Variants in ARHGAP15 observed in about 807,000 individuals in gnomAD.
ARHGAP15 encodes rho GTPase-activating protein 15.
A neutral mutation model predicts 63.7 loss-of-function variants in ARHGAP15; 51 were observed. The ratio of observed to expected loss-of-function variants is 0.80; its 90% CI spans 0.64 to 1.01. The LOEUF (loss-of-function observed/expected upper bound fraction) is 1.01, where lower values mean the gene tolerates loss of function less well. ARHGAP15 is among the 50% of genes least tolerant of loss of function. The pLI is 0.00. For missense variants in ARHGAP15, 560 were observed against 564.6 expected, an observed-to-expected ratio of 0.99 and a Z score of 0.08; for synonymous variants, 191 against 193.8, an observed-to-expected ratio of 0.99 and a Z score of 0.12.
At chr2:143,439,872 A>G (rs1319424985) in intron 8 of ARHGAP15, among the ~76,000 whole-genome samples, 1 of 152,194 alleles carries the variant, frequency 6.6e-6, no homozygotes, top group East Asian at 1.9e-4. Context: ...CATAGAAATC[A>G]GTAAACTTGA....
At chr2:143,506,461 A>ATTG (rs1693327270) in intron 9 of ARHGAP15, among the ~76,000 whole-genome samples, 1 of 84,480 alleles carries the variant, frequency 1.2e-5, no homozygotes, top group South Asian at 4.2e-4. Flanking sequence ...CTTCAGATTA[A>ATTG]TAGTAAGTTA....
At chr2:143,202,722 A>T (rs144180139) in intron 3 of ARHGAP15, among the ~76,000 whole-genome samples, 282 of 151,758 alleles carry the variant, frequency 1.9e-3, no homozygotes, top group East Asian at 0.017. Context: ...TGTGAATAAT[A>T]GGAACCAGAG....
chr2:143,365,801 C>A (rs1310593771), intron 6 of ARHGAP15, among the ~76,000 whole-genome samples: 3 of 152,100 alleles, frequency 2.0e-5, no homozygotes, highest in African/African-American at 7.2e-5. Flanking sequence ...GAAGTTACAA[C>A]CACAACTATT....
At chr2:143,417,393 AT>A (rs1688736551) in intron 6 of ARHGAP15, among the ~76,000 whole-genome samples, 1 of 152,164 alleles carries the variant, frequency 6.6e-6, no homozygotes, top group African/African-American at 2.4e-5. Context: ...ATTTCACAAA[AT>A]GCACTAGGAG....
At chr2:143,196,057 A>T (rs1357839656) in intron 2 of ARHGAP15, among the ~76,000 whole-genome samples, 1 of 152,184 alleles carries the variant, frequency 6.6e-6, no homozygotes, top group Non-Finnish European at 1.5e-5. Flanking sequence ...GGAGAAAAAG[A>T]TATCTGAAAA....
chr2:143,605,863 A>AAAAAAAAAAAT (rs1697981366), intron 11 of ARHGAP15, among the ~76,000 whole-genome samples: 1 of 38,530 alleles, frequency 2.6e-5, no homozygotes, highest in Non-Finnish European at 4.5e-5. Context: ...AAATACAAAA[A>AAAAAAAAAAAT]AAAAAAAAAA....
At chr2:143,548,514 C>T (rs1191754506) in intron 10 of ARHGAP15, among the ~76,000 whole-genome samples, 8 of 147,034 alleles carry the variant, frequency 5.4e-5, no homozygotes, top group East Asian at 4.0e-4. Context: ...TTCTTAGAAA[C>T]GAAAAAAAAA....
At chr2:143,356,221 G>C (rs1362710067) in intron 6 of ARHGAP15, among the ~76,000 whole-genome samples, 3 of 152,138 alleles carry the variant, frequency 2.0e-5, no homozygotes, top group Admixed American at 1.3e-4. Context: ...ATGCCATTCA[G>C]TCGTCAAAAC....
At chr2:143,254,262 G>A (rs911201165) in intron 6 of ARHGAP15, among the ~76,000 whole-genome samples, 1 of 152,084 alleles carries the variant, frequency 6.6e-6, no homozygotes, top group African/African-American at 2.4e-5. Context: ...AAAACCATGT[G>A]AAAGGATGGC....
At chr2:143,334,940 A>G (rs1684706101) in intron 6 of ARHGAP15, among the ~76,000 whole-genome samples, 1 of 152,200 alleles carries the variant, frequency 6.6e-6, no homozygotes, top group Non-Finnish European at 1.5e-5. Flanking sequence ...ATACTACTGT[A>G]AGTAAAAGGC....
rs1558787527 is a variant in ARHGAP15 at position 143,165,952 on chromosome 2, A to AGAG, written c.165+10297_165+10298insGAG. Among the ~76,000 whole-genome samples, 4 of 133,058 alleles carry AGAG rather than the reference A, an allele frequency of 3.0e-5. No homozygotes were observed. The East Asian group carries it at 6.6e-4, about 22-fold the overall frequency. The allele number at this position is 133,058 out of a possible 152,430, so 87.3% of individuals were successfully genotyped here. A position where few individuals can be genotyped will look rare whatever the true frequency, so the allele number is the denominator to read the frequency against. On this transcript the variant is annotated intron_variant, in intron 2 of 13. Transcript: ENST00000295095. ...AAGAAAGAAAAGAAAAGAAGAAAGA[A>AGAG]AGAAAGAGAGAAAGAAAGAAAGAAA...
intron 9 of ARHGAP15, among the ~76,000 whole-genome samples, chr2:143,492,616 G>A (rs1287728077): frequency 4.6e-5 from 7 of 151,770 alleles, no homozygotes; most frequent in Non-Finnish European, 8.8e-5. Flanking sequence ...AAAAAAGTTA[G>A]CCAGGCGTGG....
intron 11 of ARHGAP15, chr2:143,587,858 T>G (rs1297707918): frequency 4.9e-6 from 2 of 405,614 alleles, no homozygotes; most frequent in Non-Finnish European, 1.0e-5. Context: ...CAATCCCTAG[T>G]ATTGAGTGAT....
chr2:143,197,097 A>C (rs541234858), intron 2 of ARHGAP15, among the ~76,000 whole-genome samples: 4 of 152,004 alleles, frequency 2.6e-5, no homozygotes, highest in African/African-American at 9.7e-5. Context: ...TTTATATCAG[A>C]TACATTTTAA....
chr2:143,506,313 G>T (rs551356927), intron 9 of ARHGAP15, among the ~76,000 whole-genome samples: 1 of 152,208 alleles, frequency 6.6e-6, no homozygotes, highest in South Asian at 2.1e-4. Flanking sequence ...TTAATTACCT[G>T]AATAAATTCT....
chr2:143,228,590 G>A lies in ARHGAP15; in HGVS notation c.306G>A (p.Trp102Ter). Residue 102 changes from tryptophan (W) to a stop codon, truncating the protein, a stop_gained, in exon 5 of 14, where the codon TGG becomes TGA. Transcript: ENST00000295095. LOFTEE classifies it high-confidence loss of function. The part of the protein sequence containing the change: ...ADGGKKLRKN[W>*]STSWIVLSSR... Reference sequence around the variant, plus strand: ...ATTTTTTTGTCCTAAGGAAAAACTGGTCTACTTCCTGGATTGTTCTTTCTA... The same window carrying A: ...ATTTTTTTGTCCTAAGGAAAAACTGATCTACTTCCTGGATTGTTCTTTCTA... 1 of 1,604,002 alleles carries A rather than the reference G, an allele frequency of 6.2e-7. No individual in the cohort carries two copies.
At chr2:143,670,626 C>T (rs1469628185) in intron 12 of ARHGAP15, among the ~76,000 whole-genome samples, 1 of 152,160 alleles carries the variant, frequency 6.6e-6, no homozygotes, top group Non-Finnish European at 1.5e-5. Flanking sequence ...GAACACATCA[C>T]CATTCAAACC....
At chr2:143,345,563 A>ATT (rs533697934) in intron 6 of ARHGAP15, among the ~76,000 whole-genome samples, 12 of 151,320 alleles carry the variant, frequency 7.9e-5, no homozygotes, top group Non-Finnish European at 1.2e-4. Flanking sequence ...ATCTGTCTGT[A>ATT]TTTTTTTTTA....
At chr2:143,563,284 T>C (rs1314432419) in intron 11 of ARHGAP15, among the ~76,000 whole-genome samples, 3 of 152,230 alleles carry the variant, frequency 2.0e-5, no homozygotes, top group African/African-American at 7.2e-5. Context: ...CAAATCACTA[T>C]TGCATTTTCT....
Sources: allele counts gnomAD v4.1 joint callset (sites outside exome capture counted in the v4.1 genomes callset), GRCh38; gene constraint gnomAD v4.1.1; transcripts MANE v1.5; gene names NCBI Gene and HGNC (gene_info 2026-07-23, HGNC 2026-07-21).